Variants in ABR observed in about 807,000 individuals in gnomAD.
ABR encodes ABR activator of RhoGEF and GTPase.
ABR carries 35 observed loss-of-function variants against 107.2 expected under a neutral mutation model. The observed-to-expected ratio is 0.33, with a 90% CI of 0.25 to 0.43. The LOEUF (loss-of-function observed/expected upper bound fraction) is 0.43, where lower values mean the gene tolerates loss of function less well. ABR is among the 20% of genes least tolerant of loss of function. ABR has a pLI of 1.00. For synonymous variants in ABR, 498 were observed against 462.0 expected, an observed-to-expected ratio of 1.08 and a Z score of -1.00; for missense variants, 815 against 1,115.2, an observed-to-expected ratio of 0.73 and a Z score of 3.83.
Position 1,157,806 on chromosome 17 carries a change from G to A in ABR, c.61+21861C>T, listed in dbSNP as rs117436617. On this transcript the variant is annotated intron_variant, in intron 1 of 22. Transcript: ENST00000302538. The surrounding 1 kb of genome is among the most constrained non-coding windows in gnomAD (Gnocchi z 4.7). ...GGCACAGAACCTCAGGCGCACCCAG[G>A]CAGACCCACGATGGGGTGCACTCAG... is the stretch of plus-strand genomic sequence containing the variant. Among the ~76,000 whole-genome samples, 957 of 152,344 alleles carry A rather than the reference G, an allele frequency of 6.3e-3. 33 individuals carry two copies. In the East Asian group the frequency reaches 0.11, roughly 17 times the overall value.
intron 16 of ABR, among the ~76,000 whole-genome samples, chr17:1,034,577 G>A (rs1373441098): frequency 2.6e-5 from 4 of 152,206 alleles, no homozygotes; most frequent in Non-Finnish European, 4.4e-5. Context: ...GCTTCCTGGA[G>A]GAGAGGGGTC....
rs544940322 is a variant in ABR at position 1,157,798 on chromosome 17, G to A, written c.61+21869C>T. On this transcript the variant is annotated intron_variant, in intron 1 of 22. Coordinates refer to ENST00000302538, the MANE Select transcript of ABR (RefSeq NM_021962.5). This position sits in a 1 kb window ranked among gnomAD's most constrained non-coding sequence, Gnocchi z 4.7. ...GCCTGCCAGGCACAGAACCTCAGGC[G>A]CACCCAGGCAGACCCACGATGGGGT... Among the ~76,000 whole-genome samples the A allele has an allele frequency of 3.3e-5, 5 of 152,344 alleles. No individual in the cohort carries two copies. In the East Asian group the frequency reaches 7.7e-4, roughly 23 times the overall value.
At chr17:1,222,168 A>G (rs1416323842) in intron 1 of ABR, among the ~76,000 whole-genome samples, 1 of 149,304 alleles carries the variant, frequency 6.7e-6, no homozygotes, top group Non-Finnish European at 1.5e-5. Flanking sequence ...GGGTTCAAGC[A>G]ATTCTCCTGC....
intron 1 of ABR, among the ~76,000 whole-genome samples, chr17:1,164,955 T>C (rs1485596039): frequency 1.3e-5 from 2 of 152,224 alleles, no homozygotes; most frequent in African/African-American, 4.8e-5. Context: ...ATACTTATAT[T>C]TAAAAATTAT....
At chr17:1,109,146 C>T (rs1230952563) in intron 2 of ABR, 5 of 443,400 alleles carry the variant, frequency 1.1e-5, no homozygotes, top group East Asian at 2.2e-4. Flanking sequence ...AGGGAGGAGG[C>T]GGGCGGGAGG....
In ABR at chr17:1,011,034, G is replaced by C; in HGVS notation, c.2102-171C>G. The C allele has an allele frequency of 2.5e-6, 2 of 804,922 alleles. No individual in the cohort carries two copies. Among genetic ancestry groups the C allele is most frequent in the South Asian group, 3.4e-5 (2 of 58,026 alleles). 49.9% of individuals were successfully genotyped at this position (804,922 alleles called of 1,614,324 possible). On this transcript the variant is annotated intron_variant, in intron 19 of 22. Transcript: ENST00000302538. The surrounding 1 kb of genome is among the most constrained non-coding windows in gnomAD (Gnocchi z 4.8). ...TGTCTGTGACTCGGCTCTGTGGGTC[G>C]GGGTTGGGGGAACAGGGAGAGATAG...
At chr17:1,208,680 A>C (rs1285202050) in intron 1 of ABR, among the ~76,000 whole-genome samples, 2 of 152,074 alleles carry the variant, frequency 1.3e-5, no homozygotes, top group African/African-American at 4.8e-5. Flanking sequence ...CGAGGTCGGG[A>C]GATCGAAACC....
intron 6 of ABR, chr17:1,079,106 G>A: frequency 7.0e-7 from 1 of 1,436,440 alleles, no homozygotes; most frequent in South Asian, 1.5e-5. Context: ...ATCCTAAAGA[G>A]GAGCACGTTT....
chr17:1,114,598 C>T (rs563998113), intron 2 of ABR, among the ~76,000 whole-genome samples: 99 of 152,162 alleles, frequency 6.5e-4, no homozygotes, highest in African/African-American at 2.3e-3. Flanking sequence ...CACGGTGAAA[C>T]CCCGTCTCTA....
intron 10 of ABR, 127 bp downstream of exon 10, chr17:1,066,950 C>G (rs2034802991): frequency 8.2e-6 from 8 of 979,274 alleles, no homozygotes; most frequent in East Asian, 2.7e-5. Context: ...TAGTCGGGGT[C>G]TTTCCCTTAG....
Position 1,146,335 on chromosome 17 carries a change from C to G in ABR, c.62-20968G>C, listed in dbSNP as rs1248491483. 3.3e-5 allele frequency among the ~76,000 whole-genome samples: 5 copies of G among 152,132 alleles called. 1 individual carries two copies. The East Asian group carries it at 9.7e-4, about 29-fold the overall frequency. ...GGCCCCACCACCTCTGGCCCCCACA[C>G]TCCATTCAGCCCCCGGCCTCTCTGC... is the stretch of plus-strand genomic sequence containing the variant. On this transcript the variant is annotated intron_variant, in intron 1 of 22. Transcript: ENST00000302538.
At position 1,005,107 on chromosome 17, in the gene ABR, T is replaced by TC. The variant is rs1597318569; in HGVS notation, c.*972dup. 1 of 398,676 alleles carries TC rather than the reference T, an allele frequency of 2.5e-6. No homozygotes were observed. The highest frequency in any genetic ancestry group is 4.4e-6 in the Non-Finnish European group (1 of 226,152). 24.7% of individuals were successfully genotyped at this position (398,676 alleles called of 1,614,324 possible). A position where few individuals can be genotyped will look rare whatever the true frequency, so the allele number is the denominator to read the frequency against. ...ACACCCAGCGTGGCATGTGCATTCCTCCCCCGTTCAGCCTGTGGTGTTTCC... is the reference window on the plus strand; with the variant it reads ...ACACCCAGCGTGGCATGTGCATTCCTCCCCCCGTTCAGCCTGTGGTGTTTCC... On this transcript the variant is annotated 3_prime_UTR_variant, in exon 23 of 23. Transcript: ENST00000302538.
At position 1,026,648 on chromosome 17, in the gene ABR, C is replaced by G. The variant is rs576177432; in HGVS notation, c.1792-13484G>C. Among the ~76,000 whole-genome samples, 10 of 152,282 alleles carry G rather than the reference C, an allele frequency of 6.6e-5. No individual in the cohort carries two copies. In the East Asian group the frequency reaches 1.9e-3, roughly 29 times the overall value. ...TACGGCTCACTGGACCCAGGACTGA[C>G]GCTGCGTTTCTCCCCAGGGTGGGGC... On this transcript the variant is annotated intron_variant, in intron 16 of 22. Coordinates refer to ENST00000302538, the MANE Select transcript of ABR (RefSeq NM_021962.5).
intron 16 of ABR, among the ~76,000 whole-genome samples, chr17:1,024,415 G>C (rs906784025): frequency 5.9e-5 from 9 of 152,162 alleles, no homozygotes; most frequent in Non-Finnish European, 1.3e-4. Context: ...GAGTGGCCGG[G>C]GTCTGAACGT....
In ABR at chr17:1,092,980, T is replaced by C. The variant is rs2440027; in HGVS notation, c.346-1130A>G. Among the ~76,000 whole-genome samples the C allele has an allele frequency of 0.34, 50,993 of 148,230 alleles. 9,358 individuals are homozygous for C. The highest frequency in any genetic ancestry group is 0.47 in the East Asian group (2,253 of 4,776). ...GACTACAGGCGCCCGCCACCACGCC[T>C]GGCTAATTTTTTTTGTATTTTTAGT... On this transcript the variant is annotated intron_variant, in intron 3 of 22. Transcript: ENST00000302538. The surrounding 1 kb of genome is among the most constrained non-coding windows in gnomAD (Gnocchi z 4.6).
intron 16 of ABR, among the ~76,000 whole-genome samples, chr17:1,020,122 C>T (rs372444690): frequency 1.3e-5 from 2 of 152,046 alleles, no homozygotes; most frequent in South Asian, 2.1e-4. Context: ...CGCACTCTGT[C>T]GCCCAGGCTG....
intron 1 of ABR, among the ~76,000 whole-genome samples, chr17:1,137,779 G>A (rs2040139793): frequency 6.6e-6 from 1 of 152,292 alleles, no homozygotes; most frequent in African/African-American, 2.4e-5. Flanking sequence ...CTGCACATGA[G>A]TGCCGTAAAG....
chr17:1,178,560 G>C (rs1057222330), intron 1 of ABR, among the ~76,000 whole-genome samples: 9 of 64,284 alleles, frequency 1.4e-4, no homozygotes, highest in South Asian at 1.3e-3. Context: ...CCGAGACTCC[G>C]TCTCAAAAAA....
chr17:1,209,363 A>T (rs1229091938), intron 1 of ABR, among the ~76,000 whole-genome samples: 2 of 142,988 alleles, frequency 1.4e-5, no homozygotes, highest in African/African-American at 2.6e-5. Context: ...CGCAACCTCC[A>T]CCTCCTGGGT....
Sources: allele counts gnomAD v4.1 joint callset (sites outside exome capture counted in the v4.1 genomes callset), GRCh38; gene constraint gnomAD v4.1.1; non-coding constraint Gnocchi (gnomAD v3.1); transcripts MANE v1.5; gene names NCBI Gene and HGNC (gene_info 2026-07-23, HGNC 2026-07-21).